The following ATP13A5 variants were observed in gnomAD, a reference collection of about 807,000 sequenced individuals.
ATP13A5 encodes probable cation-transporting ATPase 13A5.
Under a neutral mutation model 150.2 loss-of-function variants are expected in ATP13A5, and 149 were observed. That is an observed-to-expected ratio of 0.99 (90% CI 0.87 to 1.14). The LOEUF (loss-of-function observed/expected upper bound fraction) is 1.14. Among genes scored for constraint, ATP13A5 ranks in the 50% most tolerant of loss-of-function variants. ATP13A5 has a pLI of 0.00. For synonymous variants in ATP13A5, 497 were observed against 522.2 expected, an observed-to-expected ratio of 0.95 and a Z score of 0.66; for missense variants, 1,383 against 1,449.3, an observed-to-expected ratio of 0.95 and a Z score of 0.74.
At chr3:193,327,722 G>T (rs763399289) in intron 12 of ATP13A5, among the ~76,000 whole-genome samples, 1 of 152,120 alleles carries the variant, frequency 6.6e-6, no homozygotes, top group East Asian at 1.9e-4. Flanking sequence ...AAATGGAGCC[G>T]AGTACTATCA....
chr3:193,362,235 A>C (rs997335518), intron 5 of ATP13A5, 146 bp downstream of exon 5: 11 of 703,912 alleles, frequency 1.6e-5, no homozygotes, highest in Non-Finnish European at 2.4e-5. Context: ...GAAAAGAACA[A>C]TTTAGGATAT....
Position 193,364,128 on chromosome 3 carries a change from G to A in ATP13A5, c.216C>T (p.Asp72=), listed in dbSNP as rs761354433. 10 of 1,613,918 alleles carry A rather than the reference G, an allele frequency of 6.2e-6. No individual in the cohort carries two copies. The African/African-American group carries it at 1.3e-4, about 22-fold the overall frequency. The change falls in exon 2 of 30, where the codon GAC becomes GAT. Residue 72 remains aspartate (D), a synonymous_variant. Transcript: ENST00000342358. ...NCIPCPLQEA[D]TVLLRTTDEF... ...GCACTGTTGTCCTCAGCAAAACAGTGTCTGCTTCTTGCAAGGGGCATGGGA... is the reference window on the plus strand; with the variant it reads ...GCACTGTTGTCCTCAGCAAAACAGTATCTGCTTCTTGCAAGGGGCATGGGA...
chr3:193,325,418 A>G (rs1004121313), intron 13 of ATP13A5, among the ~76,000 whole-genome samples: 2 of 152,224 alleles, frequency 1.3e-5, no homozygotes, highest in Non-Finnish European at 2.9e-5. Context: ...TTTGTTCTCA[A>G]CAGAATTTTC....
chr3:193,307,196 G>C, intron 22 of ATP13A5, 131 bp downstream of exon 22: 1 of 1,541,864 alleles, frequency 6.5e-7, no homozygotes, highest in Non-Finnish European at 8.8e-7. Flanking sequence ...TCAGGTAGAG[G>C]TGGATATAAA....
intron 24 of ATP13A5, among the ~76,000 whole-genome samples, chr3:193,299,643 C>T (rs1346335218): frequency 1.3e-5 from 2 of 152,138 alleles, no homozygotes; most frequent in Non-Finnish European, 2.9e-5. Flanking sequence ...TCTTGGAGTC[C>T]ATTCACTTTC....
At chr3:193,372,422 CT>C (rs1336131928) in intron 1 of ATP13A5, 7 of 153,680 alleles carry the variant, frequency 4.6e-5, no homozygotes, top group African/African-American at 1.7e-4. Context: ...TATGACTGTT[CT>C]TTGGGAAACT....
intron 2 of ATP13A5, 55 bp downstream of exon 2, chr3:193,364,052 G>T: frequency 1.3e-6 from 2 of 1,554,824 alleles, no homozygotes; most frequent in Non-Finnish European, 8.8e-7. Flanking sequence ...TGCCACAGAG[G>T]CAATACAGAA....
At chr3:193,345,817 A>G (rs1044333504) in intron 7 of ATP13A5, among the ~76,000 whole-genome samples, 1 of 152,114 alleles carries the variant, frequency 6.6e-6, no homozygotes, top group Non-Finnish European at 1.5e-5. Context: ...AAGATGCACA[A>G]TCAGAATGAG....
chr3:193,285,326 A>T (rs1577324308), intron 26 of ATP13A5, among the ~76,000 whole-genome samples: 1 of 152,224 alleles, frequency 6.6e-6, no homozygotes, highest in African/African-American at 2.4e-5. Flanking sequence ...CTCCGTTTAG[A>T]ACAAGTGATC....
chr3:193,344,084 G>A, intron 8 of ATP13A5, 29 bp from the exon 9 acceptor site: 2 of 1,605,658 alleles, frequency 1.2e-6, no homozygotes, highest in Non-Finnish European at 1.7e-6. Flanking sequence ...TCCATGAATA[G>A]CTGACCTTTT....
chr3:193,298,761 C>G (rs773392844), intron 25 of ATP13A5, among the ~76,000 whole-genome samples: 3 of 152,064 alleles, frequency 2.0e-5, no homozygotes, highest in Non-Finnish European at 2.9e-5. Flanking sequence ...CATCAAAGAC[C>G]TAGAAAAAAA....
At chr3:193,321,642 A>G in intron 16 of ATP13A5, 39 bp downstream of exon 16, 1 of 1,605,392 alleles carries the variant, frequency 6.2e-7, no homozygotes, top group Non-Finnish European at 8.5e-7. Context: ...AAGAAAAAAC[A>G]AAAGTATTTT....
intron 1 of ATP13A5, among the ~76,000 whole-genome samples, chr3:193,365,326 A>C (rs540671258): frequency 2.0e-5 from 3 of 152,128 alleles, no homozygotes; most frequent in Non-Finnish European, 4.4e-5. Context: ...GCTATAAAAC[A>C]TCTCTTGGCT....
chr3:193,327,937 C>G (rs1719526934), intron 12 of ATP13A5, among the ~76,000 whole-genome samples: 1 of 152,220 alleles, frequency 6.6e-6, no homozygotes, highest in South Asian at 2.1e-4. Context: ...AGATCCAAGT[C>G]TCTGACACTA....
intron 3 of ATP13A5, 107 bp downstream of exon 3, chr3:193,363,129 G>T: frequency 1.5e-6 from 2 of 1,328,034 alleles, no homozygotes; most frequent in Non-Finnish European, 2.1e-6. Context: ...ATACATAGCT[G>T]TCATTCCCAT....
At chr3:193,348,887 T>C (rs1457774501) in intron 7 of ATP13A5, among the ~76,000 whole-genome samples, 2 of 152,182 alleles carry the variant, frequency 1.3e-5, no homozygotes, top group East Asian at 1.9e-4. Flanking sequence ...GTACTTGACT[T>C]GGAATCAGAA....
At chr3:193,338,913 C>T (rs1349762400) in intron 9 of ATP13A5, among the ~76,000 whole-genome samples, 1 of 152,046 alleles carries the variant, frequency 6.6e-6, no homozygotes, top group Non-Finnish European at 1.5e-5. Context: ...AATTTCAGAG[C>T]CTGTTATTTG....
intron 1 of ATP13A5, among the ~76,000 whole-genome samples, chr3:193,364,568 T>C (rs1713171234): frequency 6.6e-6 from 1 of 152,200 alleles, no homozygotes; most frequent in Non-Finnish European, 1.5e-5. Context: ...CAGATTTTTA[T>C]AAAATACTTC....
At chr3:193,316,811 AG>A (rs754529718) in intron 17 of ATP13A5, among the ~76,000 whole-genome samples, 118 of 152,156 alleles carry the variant, frequency 7.8e-4, no homozygotes, top group Non-Finnish European at 1.2e-3. Context: ...AAAACTTTTC[AG>A]TTTAATATCC....
Sources: allele counts gnomAD v4.1 joint callset (sites outside exome capture counted in the v4.1 genomes callset), GRCh38; gene constraint gnomAD v4.1.1; transcripts MANE v1.5; gene names NCBI Gene and HGNC (gene_info 2026-07-23, HGNC 2026-07-21).